The following GC variants were observed in gnomAD, a reference collection of about 807,000 sequenced individuals.
GC encodes the protein vitamin D-binding protein.
A neutral mutation model predicts 56.7 loss-of-function variants in GC; 43 were observed. The ratio of observed to expected loss-of-function variants is 0.76; its 90% confidence interval spans 0.59 to 0.98. The LOEUF is 0.98. GC is among the 50% of genes least tolerant of loss of function. The pLI is 0.00. For synonymous variants in GC, 216 were observed against 202.7 expected (o/e 1.07, Z -0.56); for missense variants, 529 against 545.9 (o/e 0.97, Z 0.31).
chr4:71,756,961 CTAAT>C (rs755714409), intron 7 of GC, 47 bp from the exon 8 acceptor site: 1 of 1,283,022 alleles, frequency 7.8e-7, no homozygotes, highest in Non-Finnish European at 1.1e-6. Context: ...TCCTGATAGT[CTAAT>C]TAAAAATAAG....
upstream of GC, among the ~76,000 whole-genome samples, chr4:71,788,157 G>A (rs866469858): frequency 4.0e-5 from 6 of 151,420 alleles, no homozygotes; most frequent in African/African-American, 1.2e-4. Context: ...ATCAACCCTG[G>A]ATTTAAAAAT....
At chr4:71,782,119 A>C (rs1000304607) in intron 1 of GC, among the ~76,000 whole-genome samples, 2 of 151,706 alleles carry the variant, frequency 1.3e-5, no homozygotes, top group Non-Finnish European at 2.9e-5. Flanking sequence ...ACTTCTTTTC[A>C]AGGTAAGTCT....
intron 1 of GC, among the ~76,000 whole-genome samples, chr4:71,801,890 CTTT>C (rs58049882): frequency 2.2e-5 from 3 of 138,276 alleles, no homozygotes; most frequent in African/African-American, 2.6e-5. Context: ...TTTCTTTCTT[CTTT>C]TTTTTTTTTT....
At chr4:71,797,774 C>A (rs1255791729) in intron 1 of GC, among the ~76,000 whole-genome samples, 1 of 152,196 alleles carries the variant, frequency 6.6e-6, no homozygotes, top group African/African-American at 2.4e-5. Flanking sequence ...GAGCTGCAGA[C>A]CAGAGCTGTT....
intron 12 of GC, among the ~76,000 whole-genome samples, chr4:71,743,149 G>A (rs1432654435): frequency 2.0e-5 from 3 of 152,194 alleles, no homozygotes; most frequent in African/African-American, 7.2e-5. Context: ...GAGTGAAATA[G>A]CGTGAAACTG....
At position 71,756,767 on chromosome 4, in the gene GC, C is replaced by T. The variant is rs866486175; in HGVS notation, c.979G>A (p.Glu327Lys). Residue 327 changes from glutamate (E) to lysine (K), a missense_variant, in exon 8 of 13, where the codon GAG becomes AAG. Physicochemically the swap from Glu to Lys is moderately conservative, Grantham distance 56. Coordinates refer to ENST00000273951, the MANE Select transcript of GC (RefSeq NM_000583.4). ...CACACATCTTTGTTTGTGGGCAACT[C>T]TACATCTGGAAGCTCGGGGAGTTGG... is the stretch of plus-strand genomic sequence containing the variant. ...AAQLPELPDVELPTNKDVCDP... is the reference protein window; with the variant it reads ...AAQLPELPDVKLPTNKDVCDP... 1 of 1,613,976 alleles carries T rather than the reference C, an allele frequency of 6.2e-7. No individual in the cohort carries two copies. The highest frequency in any genetic ancestry group is 8.5e-7 in the Non-Finnish European group (1 of 1,179,904).
At chr4:71,765,331 A>T in intron 4 of GC, 101 bp downstream of exon 4, 1 of 876,638 alleles carries the variant, frequency 1.1e-6, no homozygotes. Context: ...GAATTTGTTC[A>T]GGTTGCTGTA....
intron 1 of GC, among the ~76,000 whole-genome samples, chr4:71,773,238 CTAAG>C (rs1277949511): frequency 1.3e-5 from 2 of 152,198 alleles, no homozygotes; most frequent in South Asian, 2.1e-4. Flanking sequence ...CCCCACAGTA[CTAAG>C]TGTTTACAAA....
rs1578288592 is a variant in GC, at chr4:71,756,912, C to T, written c.834G>A (p.Leu278=). ...CACAGAGTTTTACTGTGTGTTCAGG[C>T]AGCTACAAAACGAATGGTTAGTTTG... ...SASEDCMAKE[L]PEHTVKLCDN... Residue 278 remains leucine, a splice_region_variant and synonymous_variant, in exon 8 of 13, where the codon CTG becomes CTA. Coordinates refer to ENST00000273951, the MANE Select transcript of GC (RefSeq NM_000583.4). The T allele has an allele frequency of 6.2e-7, 1 of 1,606,164 alleles. No homozygotes were observed.
chr4:71,753,484 CA>C (rs202008117), intron 10 of GC, among the ~76,000 whole-genome samples: 2,475 of 93,846 alleles, frequency 0.026, 45 homozygotes, highest in African/African-American at 0.071. Flanking sequence ...TCAAAGGAGG[CA>C]AAAAAAAAAA....
chr4:71,763,317 A>G, intron 6 of GC, 91 bp downstream of exon 6: 1 of 589,682 alleles, frequency 1.7e-6, no homozygotes, highest in Non-Finnish European at 2.9e-6. Flanking sequence ...TATATCTTTC[A>G]ATATAGACAG....
chr4:71,773,954 A>G (rs1392085825), intron 1 of GC, among the ~76,000 whole-genome samples: 1 of 152,056 alleles, frequency 6.6e-6, no homozygotes, highest in Non-Finnish European at 1.5e-5. Context: ...TGCAGTGTTT[A>G]TTCAAACTAG....
At chr4:71,804,302 T>C (rs376248826), upstream of GC, among the ~76,000 whole-genome samples, 7 of 152,250 alleles carry the variant, frequency 4.6e-5, no homozygotes, top group African/African-American at 1.4e-4. Flanking sequence ...AATACAGACA[T>C]AATGCTGAAA....
intron 12 of GC, among the ~76,000 whole-genome samples, chr4:71,744,328 G>A (rs893813869): frequency 3.3e-5 from 5 of 150,706 alleles, no homozygotes; most frequent in Admixed American, 1.3e-4. Flanking sequence ...GCGTGGTGGC[G>A]GGCGCCTGTA....
chr4:71,803,139 G>C (rs1463270014), intron 1 of GC, among the ~76,000 whole-genome samples: 1 of 152,146 alleles, frequency 6.6e-6, no homozygotes, highest in African/African-American at 2.4e-5. Flanking sequence ...GGAGAGTTAT[G>C]TTTAAAAAGA....
chr4:71,786,978 GAGA>G (rs1742854762), upstream of GC, among the ~76,000 whole-genome samples: 1 of 151,826 alleles, frequency 6.6e-6, no homozygotes, highest in Non-Finnish European at 1.5e-5. Context: ...TTGATGTACA[GAGA>G]AGAACAGAAC....
At chr4:71,752,003 A>G (rs1441209680) in intron 11 of GC, among the ~76,000 whole-genome samples, 2 of 152,110 alleles carry the variant, frequency 1.3e-5, no homozygotes. Flanking sequence ...TATAATTAAC[A>G]TATTAATAGA....
chr4:71,747,810 A>G (rs1420588022), intron 11 of GC, among the ~76,000 whole-genome samples: 1 of 152,198 alleles, frequency 6.6e-6, no homozygotes, highest in African/African-American at 2.4e-5. Context: ...TTTAATACAA[A>G]TTAGACAGAG....
intron 10 of GC, 36 bp downstream of exon 10, chr4:71,754,375 T>C (rs1560692459): frequency 3.2e-6 from 3 of 942,066 alleles, no homozygotes; most frequent in East Asian, 4.8e-5. Flanking sequence ...ATATTATTGA[T>C]AAATTTGGAG....
Sources: gnomAD v4.1 joint callset for allele counts (sites outside exome capture counted in the v4.1 genomes callset) on GRCh38, gnomAD v4.1.1 for gene constraint, MANE v1.5 for transcripts, NCBI Gene and HGNC (gene_info 2026-07-23, HGNC 2026-07-21) for gene names.